The following COL4A6 variants were observed in gnomAD, a reference collection of about 807,000 sequenced individuals.
COL4A6 encodes the protein collagen alpha-6(IV) chain.
Under a neutral mutation model 126.7 loss-of-function variants are expected in COL4A6, and 59 were observed. The observed-to-expected ratio is 0.47, with a 90% confidence interval of 0.38 to 0.58. COL4A6 has a LOEUF of 0.58. Among genes scored for constraint, COL4A6 ranks in the 20% least tolerant of loss-of-function variants. The pLI is 0.00. For missense variants in COL4A6, 1,285 were observed against 1,337.3 expected, an observed-to-expected ratio of 0.96 and a Z score of 0.61; for synonymous variants, 547 against 496.6, an observed-to-expected ratio of 1.10 and a Z score of -1.35.
At chrX:108,343,846 C>A (rs1007477387) in intron 2 of COL4A6, among the ~76,000 whole-genome samples, 39 of 104,834 alleles carry the variant, frequency 3.7e-4, no homozygotes, top group Non-Finnish European at 6.8e-4. Context: ...GAGGGGTGAG[C>A]GTTGGGGGGA....
At chrX:108,267,365 A>G (rs2037334755) in intron 3 of COL4A6, among the ~76,000 whole-genome samples, 1 of 112,332 alleles carries the variant, frequency 8.9e-6, no homozygotes, top group South Asian at 3.7e-4. Flanking sequence ...CAATAACATG[A>G]TATATCTCCA....
intron 3 of COL4A6, among the ~76,000 whole-genome samples, chrX:108,280,549 G>A (rs1306250173): frequency 2.7e-5 from 3 of 111,618 alleles, no homozygotes; most frequent in Non-Finnish European, 5.6e-5. Flanking sequence ...ATTCACAGCC[G>A]AATTCTACCA....
intron 13 of COL4A6, 57 bp from the exon 14 acceptor site, chrX:108,196,636 C>T: frequency 9.9e-7 from 1 of 1,010,037 alleles, no homozygotes; most frequent in Non-Finnish European, 1.4e-6. Context: ...GGTCTCCTGG[C>T]TTCATCCAAA....
chrX:108,282,599 G>A (rs988230879), intron 3 of COL4A6, among the ~76,000 whole-genome samples: 3 of 110,392 alleles, frequency 2.7e-5, no homozygotes, highest in African/African-American at 9.9e-5. Context: ...TGATTCCTCA[G>A]GGATCTAGAA....
chrX:108,425,398 C>T (rs942735176), intron 2 of COL4A6, among the ~76,000 whole-genome samples: 3 of 110,963 alleles, frequency 2.7e-5, no homozygotes, highest in Non-Finnish European at 5.7e-5. Flanking sequence ...ATTTTCTCAA[C>T]ATTCTATAAA....
intron 3 of COL4A6, among the ~76,000 whole-genome samples, chrX:108,292,970 G>T (rs754931416): frequency 0.13 from 2,338 of 17,997 alleles, 134 homozygotes; most frequent in African/African-American, 0.33. Flanking sequence ...AAAAAAAAAA[G>T]AAAGGAAAGA....
Position 108,214,139 on chromosome X carries a change from A to T in COL4A6, c.414T>A (p.Asp138Glu). 8.3e-7 allele frequency: 1 copy of T among 1,209,526 alleles called. No individual in the cohort carries two copies. The highest frequency in any genetic ancestry group is 1.1e-6 in the Non-Finnish European group (1 of 894,027). ...TQGAVGFPGP[D>E]GYPGLLGPPG... ...GTGGTCCGAGAAGCCCAGGATAGCC[A>T]TCAGGGCCTGGAAATCCAACAGCTC... The change falls in exon 6 of 45, where the codon GAT becomes GAA. Residue 138 changes from aspartate (D) to glutamate (E), a missense_variant. Transcript: ENST00000334504.
intron 2 of COL4A6, among the ~76,000 whole-genome samples, chrX:108,368,632 CTT>C (rs2040256425): frequency 8.9e-6 from 1 of 111,904 alleles, no homozygotes; most frequent in Non-Finnish European, 1.9e-5. Flanking sequence ...ATATTTTAGA[CTT>C]TTGAATATTT....
chrX:108,162,356 TAAA>T (rs768149643), intron 41 of COL4A6, among the ~76,000 whole-genome samples: 1 of 59,330 alleles, frequency 1.7e-5, no homozygotes, highest in African/African-American at 6.3e-5. Context: ...ATCTCAAAAA[TAAA>T]AAAAAATAAA....
chrX:108,330,200 C>G (rs1375423907), intron 2 of COL4A6, among the ~76,000 whole-genome samples: 1 of 110,778 alleles, frequency 9.0e-6, no homozygotes, highest in Non-Finnish European at 1.9e-5. Context: ...AAGTAGGGCT[C>G]AAACTTATAT....
At chrX:108,383,722 A>T (rs1233348048) in intron 2 of COL4A6, 1 of 510,811 alleles carries the variant, frequency 2.0e-6, no homozygotes, top group African/African-American at 2.3e-5. Context: ...TTGGAGATAT[A>T]AGGTATCAGT....
At chrX:108,404,399 G>A (rs1010398081) in intron 2 of COL4A6, among the ~76,000 whole-genome samples, 2 of 111,390 alleles carry the variant, frequency 1.8e-5, no homozygotes, top group African/African-American at 6.5e-5. Flanking sequence ...GTGGCATGGA[G>A]GGGAGACAGA....
chrX:108,332,472 C>G (rs1427369725), intron 2 of COL4A6, among the ~76,000 whole-genome samples: 2 of 111,951 alleles, frequency 1.8e-5, no homozygotes, highest in Non-Finnish European at 3.8e-5. Context: ...TTCCCACCAA[C>G]AGAATATAAG....
chrX:108,397,284 A>G (rs773934930), intron 2 of COL4A6, among the ~76,000 whole-genome samples: 1 of 111,820 alleles, frequency 8.9e-6, no homozygotes, highest in East Asian at 2.8e-4. Flanking sequence ...TCTACATAGA[A>G]ATTATGAATT....
At chrX:108,265,821 G>A (rs192136493) in intron 3 of COL4A6, among the ~76,000 whole-genome samples, 1 of 111,029 alleles carries the variant, frequency 9.0e-6, no homozygotes. Flanking sequence ...TGAAGACCTA[G>A]AGTGCTATGA....
chrX:108,318,696 T>C (rs1419733064), intron 2 of COL4A6, among the ~76,000 whole-genome samples: 2 of 112,182 alleles, frequency 1.8e-5, no homozygotes, highest in African/African-American at 6.5e-5. Flanking sequence ...CAAGGAGAAC[T>C]ACAAACCACT....
intron 2 of COL4A6, among the ~76,000 whole-genome samples, chrX:108,338,205 G>T (rs980576831): frequency 1.8e-5 from 2 of 111,639 alleles, no homozygotes; most frequent in South Asian, 7.5e-4. Flanking sequence ...TAAGAATAAG[G>T]CTTTTAATTC....
intron 2 of COL4A6, among the ~76,000 whole-genome samples, chrX:108,369,393 CCATGAAATA>C (rs1372460440): frequency 9.9e-5 from 11 of 111,452 alleles, no homozygotes; most frequent in African/African-American, 3.6e-4. Context: ...GTTCAACCTA[CCATGAAATA>C]ATTTGTTGGC....
chrX:108,214,234 CAAAGAGAA>C lies in COL4A6; in HGVS notation c.325-14_325-7del. Reference sequence around the variant, plus strand: ...CCTGGTTGTCCAGGGTGGCCCTGTTCAAAGAGAAAAGAAGGGATCAAGTTAGCCAAAGG... The same window carrying C: ...CCTGGTTGTCCAGGGTGGCCCTGTTCAAGAAGGGATCAAGTTAGCCAAAGG... On this transcript the variant is annotated splice_polypyrimidine_tract_variant and splice_region_variant and intron_variant, in intron 5 of 44. Transcript: ENST00000334504. The C allele has an allele frequency of 2.3e-5, 27 of 1,163,402 alleles. No individual in the cohort carries two copies. Among genetic ancestry groups the C allele is most frequent in the Non-Finnish European group, 3.1e-5 (27 of 861,234 alleles).
Sources: allele counts gnomAD v4.1 joint callset (sites outside exome capture counted in the v4.1 genomes callset), GRCh38; gene constraint gnomAD v4.1.1; transcripts MANE v1.5; gene names NCBI Gene and HGNC (gene_info 2026-07-23, HGNC 2026-07-21).